LARGE1: variants seen among roughly 807,000 people sequenced by gnomAD.
LARGE1 encodes LARGE xylosyl- and glucuronyltransferase 1, also known as xylosyl- and glucuronyltransferase LARGE1.
A neutral mutation model predicts 87.6 loss-of-function variants in LARGE1; 43 were observed. The observed-to-expected ratio is 0.49, with a 90% CI of 0.38 to 0.63. The LOEUF (loss-of-function observed/expected upper bound fraction) is 0.63, where lower values mean the gene tolerates loss of function less well. Among genes scored for constraint, LARGE1 ranks in the 30% least tolerant of loss-of-function variants. The pLI is 0.00. For missense variants in LARGE1, 802 were observed against 1,000.2 expected (o/e 0.80, Z 2.67); for synonymous variants, 434 against 394.6 (o/e 1.10, Z -1.18).
At position 33,910,114 on chromosome 22, in the gene LARGE1, C is replaced by G. The variant is rs140757246; in HGVS notation, c.-83+9881G>C. Among the ~76,000 whole-genome samples the G allele has an allele frequency of 1.2e-3, 184 of 152,254 alleles. 1 individual carries two copies. Among genetic ancestry groups the G allele is most frequent in the African/African-American group, 4.2e-3 (174 of 41,556 alleles). On this transcript the variant is annotated intron_variant, in intron 1 of 14. Coordinates refer to ENST00000397394, the MANE Select transcript of LARGE1 (RefSeq NM_133642.5). ...CTGCTACCTCCTTTCTATTGTTGCTCGTAACTGTTCATTTAATCTTCTATT... is the reference window on the plus strand; with the variant it reads ...CTGCTACCTCCTTTCTATTGTTGCTGGTAACTGTTCATTTAATCTTCTATT...
chr22:33,787,243 G>A (rs535333972), intron 1 of LARGE1, among the ~76,000 whole-genome samples: 8 of 152,142 alleles, frequency 5.3e-5, no homozygotes, highest in Admixed American at 1.3e-4. Flanking sequence ...GAAAAGCACT[G>A]GAGAGGCAAG....
intron 2 of LARGE1, among the ~76,000 whole-genome samples, chr22:33,757,864 T>C (rs185588285): frequency 3.9e-5 from 6 of 152,260 alleles, no homozygotes; most frequent in Middle Eastern, 6.8e-3. Flanking sequence ...CACTGTTGTC[T>C]GTAGCAACCA....
rs570088098 is a variant in LARGE1, at chr22:33,494,772, TG to T, written c.788-62508del. Among the ~76,000 whole-genome samples, 70 of 152,342 alleles carry T rather than the reference TG, an allele frequency of 4.6e-4. 1 individual carries two copies. In the East Asian group the frequency reaches 0.013, roughly 28 times the overall value. On this transcript the variant is annotated intron_variant, in intron 6 of 14. Transcript: ENST00000397394. ...TCTGTCACAGCTAGGATGAGAAATC[TG>T]AGTCTCGTTTTCTCCTTTGCCAGTG... is the stretch of plus-strand genomic sequence containing the variant.
intron 6 of LARGE1, among the ~76,000 whole-genome samples, chr22:33,510,726 C>T (rs12160244): frequency 0.023 from 3,551 of 152,252 alleles, 113 homozygotes; most frequent in African/African-American, 0.071. Context: ...CAGGTGCATG[C>T]CACCGTGCCT....
intron 6 of LARGE1, among the ~76,000 whole-genome samples, chr22:33,525,955 A>C (rs2071870715): frequency 6.6e-6 from 1 of 152,204 alleles, no homozygotes; most frequent in Non-Finnish European, 1.5e-5. Flanking sequence ...AGAACTGAAA[A>C]TGTATGTCCA....
intron 1 of LARGE1, among the ~76,000 whole-genome samples, chr22:33,787,037 A>G (rs1336961992): frequency 1.3e-5 from 2 of 151,228 alleles, no homozygotes; most frequent in Non-Finnish European, 3.0e-5. Flanking sequence ...AAAAAAAAAA[A>G]GAAAGAAAAA....
intron 6 of LARGE1, among the ~76,000 whole-genome samples, chr22:33,546,641 A>G: frequency 6.6e-6 from 1 of 151,908 alleles, no homozygotes; most frequent in South Asian, 2.1e-4. Flanking sequence ...CGGGAGTGCA[A>G]TGGTGCAATC....
chr22:33,879,863 A>G (rs1253648156), intron 1 of LARGE1, among the ~76,000 whole-genome samples: 1 of 152,360 alleles, frequency 6.6e-6, no homozygotes, highest in East Asian at 1.9e-4. Context: ...TATCAGGTAC[A>G]TGGGAATTAC....
Position 33,344,291 on chromosome 22 carries a change from G to A in LARGE1, c.1132-6490C>T, listed in dbSNP as rs144137549. On this transcript the variant is annotated intron_variant, in intron 9 of 14. Transcript: ENST00000397394. ...ATTTATTCAACAGATAGTAAGATGA[G>A]CACTGATTTTGTGCCAGACACTGAT... Among the ~76,000 whole-genome samples the A allele has an allele frequency of 9.5e-3, 1,440 of 152,232 alleles. 9 individuals carry two copies. Among genetic ancestry groups the A allele is most frequent in the South Asian group, 0.015 (74 of 4,820 alleles).
chr22:33,749,340 C>T (rs542824639), intron 2 of LARGE1, among the ~76,000 whole-genome samples: 56 of 152,294 alleles, frequency 3.7e-4, no homozygotes, highest in Non-Finnish European at 7.6e-4. Flanking sequence ...TCTCGAACTC[C>T]CGACCTCAGG....
chr22:33,137,183 T>G, the LARGE1 span: 1 of 152,260 alleles, frequency 6.6e-6, no homozygotes, highest in South Asian at 2.1e-4. Context: ...GAAAACTTCC[T>G]CTTCCTTTCA....
intron 1 of LARGE1, among the ~76,000 whole-genome samples, chr22:33,766,175 G>C (rs1393234828): frequency 1.3e-5 from 2 of 152,122 alleles, no homozygotes; most frequent in African/African-American, 4.8e-5. Context: ...CGAATTAACT[G>C]GGAAAACCAG....
chr22:33,301,595 C>A (rs538322016), intron 12 of LARGE1, among the ~76,000 whole-genome samples: 2 of 152,142 alleles, frequency 1.3e-5, no homozygotes, highest in African/African-American at 4.8e-5. Flanking sequence ...TGTGGAGAGA[C>A]GACTGGCTCC....
intron 11 of LARGE1, among the ~76,000 whole-genome samples, chr22:33,313,745 C>G (rs2146277779): frequency 6.6e-6 from 1 of 152,300 alleles, no homozygotes; most frequent in East Asian, 1.9e-4. Flanking sequence ...TGCTCCAACC[C>G]AAATGAGCTT....
At position 33,283,113 on chromosome 22, in the gene LARGE1, C is replaced by A. The variant is rs5998842; in HGVS notation, c.1877+89G>T. The A allele has an allele frequency of 3.9e-6, 6 of 1,553,440 alleles. No individual in the cohort carries two copies. In the South Asian group the frequency reaches 4.5e-5, roughly 12 times the overall value. ...ACAATGGACTAAGGCGAGCGACAAA[C>A]TTCCAGATCGATAGCTTTGGCATCT... On this transcript the variant is annotated intron_variant, in intron 13 of 14. Coordinates refer to ENST00000397394, the MANE Select transcript of LARGE1 (RefSeq NM_133642.5).
At chr22:33,813,316 T>A (rs916790217) in intron 1 of LARGE1, among the ~76,000 whole-genome samples, 1 of 151,604 alleles carries the variant, frequency 6.6e-6, no homozygotes, top group African/African-American at 2.4e-5. Context: ...GGCAAGACTG[T>A]CAAGCCCTAG....
chr22:33,174,675 A>G (rs906872696), intron 11 of LARGE1, among the ~76,000 whole-genome samples: 3 of 152,232 alleles, frequency 2.0e-5, no homozygotes, highest in Admixed American at 2.0e-4. Flanking sequence ...CACGGATCCC[A>G]TAGAAATGCA....
chr22:33,618,002 T>C (rs1333264777), intron 4 of LARGE1, among the ~76,000 whole-genome samples: 1 of 152,240 alleles, frequency 6.6e-6, no homozygotes, highest in African/African-American at 2.4e-5. Flanking sequence ...CATTAAAATA[T>C]ACAAGGACAT....
At chr22:33,637,387 G>A (rs11912487) in intron 3 of LARGE1, among the ~76,000 whole-genome samples, 7,565 of 152,250 alleles carry the variant, frequency 0.05, 566 homozygotes, top group African/African-American at 0.16. Context: ...GGCCAGCACA[G>A]ACAGGGGGCT....
Sources: gnomAD v4.1 joint callset for allele counts (sites outside exome capture counted in the v4.1 genomes callset) on GRCh38, gnomAD v4.1.1 for gene constraint, MANE v1.5 for transcripts, NCBI Gene and HGNC (gene_info 2026-07-23, HGNC 2026-07-21) for gene names.